Variants in NEB observed in about 807,000 individuals in gnomAD.
The protein encoded by NEB is nebulin.
A neutral mutation model predicts 952.2 loss-of-function variants in NEB; 512 were observed. That is an observed-to-expected ratio of 0.54 (90% confidence interval 0.50 to 0.58). The LOEUF (loss-of-function observed/expected upper bound fraction) is 0.58, where lower values mean the gene tolerates loss of function less well. Ranked by LOEUF, NEB falls within the 20% of genes least tolerant of loss-of-function variation. The pLI is 0.00. For synonymous variants in NEB, 2,900 were observed against 3,149.8 expected, an observed-to-expected ratio of 0.92 and a Z score of 2.66; for missense variants, 8,428 against 9,231.1, an observed-to-expected ratio of 0.91 and a Z score of 3.56.
chr2:151,693,310 G>T (rs756608986), intron 20 of NEB, among the ~76,000 whole-genome samples: 14 of 151,998 alleles, frequency 9.2e-5, no homozygotes, highest in Non-Finnish European at 1.5e-4. Context: ...AGGATTGTGG[G>T]TTTGTTACAT....
chr2:151,524,497 T>C lies in NEB; in HGVS notation c.22374+18A>G, dbSNP rs1373664678. On this transcript the variant is annotated intron_variant, in intron 152 of 181. Coordinates refer to ENST00000397345, the MANE Select transcript of NEB (RefSeq NM_001164508.2). ...CAATGGCTGTTGGGGACTGGGGACA[T>C]TTTCATGACACCCTTACCTCACTGG... is the stretch of plus-strand genomic sequence containing the variant. 1.1e-5 allele frequency: 17 copies of C among 1,613,670 alleles called. No individual in the cohort carries two copies. Among genetic ancestry groups the C allele is most frequent in the Non-Finnish European group, 1.4e-5 (16 of 1,179,626 alleles).
At chr2:151,690,897 G>A (rs1576474821) in intron 23 of NEB, 72 bp from the exon 24 acceptor site, 4 of 1,133,108 alleles carry the variant, frequency 3.5e-6, no homozygotes, top group East Asian at 2.6e-5. Flanking sequence ...ATAAAAAATG[G>A]TTCCAGGTCA....
intron 130 of NEB, among the ~76,000 whole-genome samples, chr2:151,548,849 G>A (rs1468139869): frequency 6.6e-6 from 1 of 152,108 alleles, no homozygotes; most frequent in African/African-American, 2.4e-5. Flanking sequence ...GTCTACTTTG[G>A]AAGTACATTA....
rs2099542943 is a variant in NEB at position 151,690,831 on chromosome 2, AAAG to A, written c.2212-9_2212-7del. ...GGATGAACTTTGTAGGTATGCTAGA[AAAG>A]AAGATGTTCTTTAATGAAATATCAG... On this transcript the variant is annotated splice_polypyrimidine_tract_variant and splice_region_variant and intron_variant, in intron 23 of 181. Coordinates refer to ENST00000397345, the MANE Select transcript of NEB (RefSeq NM_001164508.2). The A allele has an allele frequency of 3.2e-6, 5 of 1,548,486 alleles. No individual in the cohort carries two copies. The highest frequency in any genetic ancestry group is 1.4e-5 in the African/African-American group (1 of 73,514).
At position 151,492,368 on chromosome 2, in the gene NEB, T is replaced by C. The variant is rs777353367; in HGVS notation, c.24873+19A>G. ...ATTCTGACAGGCAGCCAGCCAATCC[T>C]AAAGAATTCCTGACTCACCGTTGAG... On this transcript the variant is annotated intron_variant, in intron 177 of 181. Coordinates refer to ENST00000397345, the MANE Select transcript of NEB (RefSeq NM_001164508.2). The C allele has an allele frequency of 6.3e-7, 1 of 1,593,680 alleles. No homozygotes were observed. The highest frequency in any genetic ancestry group is 1.7e-5 in the Admixed American group (1 of 58,290).
chr2:151,670,986 A>G lies in NEB; in HGVS notation c.4506+37T>C, dbSNP rs751984756. The G allele has an allele frequency of 2.6e-5, 41 of 1,581,040 alleles. No homozygotes were observed. The South Asian group carries it at 4.5e-4, about 17-fold the overall frequency. Reference sequence around the variant, plus strand: ...AGGAGCGGCTCAGACACGTGTGGTTATTTACGGGCAAATCATTTTGAAAGG... The same window carrying G: ...AGGAGCGGCTCAGACACGTGTGGTTGTTTACGGGCAAATCATTTTGAAAGG... On this transcript the variant is annotated intron_variant, in intron 38 of 181. Transcript: ENST00000397345.
At position 151,697,427 on chromosome 2, in the gene NEB, T is replaced by C. The variant is rs917997588; in HGVS notation, c.1288A>G (p.Ile430Val). 4.3e-6 allele frequency: 7 copies of C among 1,613,722 alleles called. No individual in the cohort carries two copies. Among genetic ancestry groups the C allele is most frequent in the Non-Finnish European group, 5.9e-6 (7 of 1,179,794 alleles). ...AAGCTGCCTACATAATGTCCCAAAATATCTTTTAAGTAGGAATCTTTATAT... is the reference window on the plus strand; with the variant it reads ...AAGCTGCCTACATAATGTCCCAAAACATCTTTTAAGTAGGAATCTTTATAT... Reference protein sequence around the residue: ...KKYKDSYLKDILGHYVGSFED... With the variant: ...KKYKDSYLKDVLGHYVGSFED... Residue 430 changes from isoleucine to valine, a missense_variant, in exon 15 of 182, where the codon ATT becomes GTT. Physicochemically the swap from Ile to Val is conservative, Grantham distance 29 (BLOSUM62 3). Around this residue, in one of 11 missense-constraint regions of NEB, gnomAD observed 2,851 missense variants for 2,791.5 expected, o/e 1.02. Transcript: ENST00000397345.
intron 64 of NEB, 58 bp downstream of exon 64, chr2:151,636,169 T>C: frequency 2.2e-6 from 3 of 1,391,902 alleles, no homozygotes; most frequent in South Asian, 2.5e-5. Flanking sequence ...TAAGATTTAG[T>C]TCAGTGAAAA....
At position 151,706,723 on chromosome 2, in the gene NEB, G is replaced by T. The variant is rs143695780; in HGVS notation, c.1152+158C>A. 2.7e-3 allele frequency among the ~76,000 whole-genome samples: 414 copies of T among 152,252 alleles called. 2 individuals carry two copies. The highest frequency in any genetic ancestry group is 9.6e-3 in the African/African-American group (400 of 41,522). ...CAGTAAGGCACATTGTACTCAGAGGGACTCATGCCTTTCTGTGGTTACATA... is the reference window on the plus strand; with the variant it reads ...CAGTAAGGCACATTGTACTCAGAGGTACTCATGCCTTTCTGTGGTTACATA... On this transcript the variant is annotated intron_variant, in intron 13 of 181. Coordinates refer to ENST00000397345, the MANE Select transcript of NEB (RefSeq NM_001164508.2).
At chr2:151,698,166 A>T (rs946740403) in intron 13 of NEB, among the ~76,000 whole-genome samples, 68 of 152,382 alleles carry the variant, frequency 4.5e-4, no homozygotes, top group African/African-American at 1.6e-3. Flanking sequence ...AGCAATTATT[A>T]TAAGGCCTAA....
At chr2:151,532,263 A>G (rs1391653919) in intron 143 of NEB, 1 of 173,552 alleles carries the variant, frequency 5.8e-6, no homozygotes, top group African/African-American at 2.4e-5. Flanking sequence ...GGAGGCCCCC[A>G]GAGGTTACGA....
rs957260028 is a variant in NEB, at chr2:151,671,174, A to G, written c.4355T>C (p.Ile1452Thr). The G allele has an allele frequency of 1.2e-5, 19 of 1,613,858 alleles. No individual in the cohort carries two copies. The South Asian group carries it at 1.2e-4, about 10-fold the overall frequency. The change falls in exon 38 of 182, where the codon ATT (isoleucine) becomes ACT (threonine). Residue 1452 changes from isoleucine to threonine, a missense_variant. Coordinates refer to ENST00000397345, the MANE Select transcript of NEB (RefSeq NM_001164508.2). ...GACCTTCTCCACCTCCAGGGAACCA[A>G]TAGGGATCCATCCGATGCCCTTCAA... Reference protein sequence around the residue: ...SFLKGIGWIPIGSLEVEKVKK... With the variant: ...SFLKGIGWIPTGSLEVEKVKK...
At chr2:151,621,062 T>G in intron 71 of NEB, 36 bp from the exon 72 acceptor site, 4 of 1,493,378 alleles carry the variant, frequency 2.7e-6, no homozygotes, top group Non-Finnish European at 3.7e-6. Flanking sequence ...AATATAGAAT[T>G]CACATTCACT....
At position 151,640,525 on chromosome 2, in the gene NEB, A is replaced by T. The variant is rs1466648554; in HGVS notation, c.8515T>A (p.Trp2839Arg). 1.2e-6 allele frequency: 2 copies of T among 1,613,854 alleles called. No individual in the cohort carries two copies. The highest frequency in any genetic ancestry group is 2.2e-5 in the East Asian group (1 of 44,858). Reference sequence around the variant, plus strand: ...ACTGGGCTGCTGAACTTGGTCTTCCACTTCTCAAAGTCCTTCTTGTACTCC... The same window carrying T: ...ACTGGGCTGCTGAACTTGGTCTTCCTCTTCTCAAAGTCCTTCTTGTACTCC... ...DREYKKDFEK[W>R]KTKFSSPVDM... Residue 2839 changes from tryptophan (W) to arginine (R), a missense_variant, in exon 61 of 182, where the codon TGG becomes AGG. Trp to Arg is a moderately radical substitution (Grantham distance 101, BLOSUM62 -3). Around this residue, in one of 11 missense-constraint regions of NEB, gnomAD observed 1,772 missense variants for 1,960.3 expected, o/e 0.90. Transcript: ENST00000397345.
Position 151,658,021 on chromosome 2 carries a change from T to C in NEB, c.6145A>G (p.Ile2049Val), listed in dbSNP as rs755853362. ...TCTCTGGAAGCCTTGGCAGCTTTGA[T>C]AGGAATTGCATCAGGTCTGAGATCA... ...GYDLRPDAIP[I>V]KAAKASRDIA... The change falls in exon 48 of 182, where the codon ATC (isoleucine) becomes GTC (valine). Residue 2049 changes from isoleucine (I) to valine (V), a missense_variant. Ile to Val is a conservative substitution (Grantham distance 29, BLOSUM62 3). This residue lies in a region of NEB where 2,851 missense variants were observed against 2,791.5 expected (regional missense o/e 1.02). Coordinates refer to ENST00000397345, the MANE Select transcript of NEB (RefSeq NM_001164508.2). The C allele has an allele frequency of 1.7e-5, 28 of 1,611,070 alleles. No individual in the cohort carries two copies. The highest frequency in any genetic ancestry group is 2.7e-5 in the African/African-American group (2 of 74,856).
intron 71 of NEB, among the ~76,000 whole-genome samples, chr2:151,624,912 T>C (rs1192570679): frequency 6.6e-6 from 1 of 152,208 alleles, no homozygotes; most frequent in Non-Finnish European, 1.5e-5. Flanking sequence ...TAAAAGAATG[T>C]ATTTTATTGT....
chr2:151,505,469 G>A lies in NEB; in HGVS notation c.23742+9C>T, dbSNP rs762973833. ...TCACACAAATGGAAGCTGAGAGTAT[G>A]GCCACTACCGAGCTAATGTGCTTCT... On this transcript the variant is annotated intron_variant, in intron 165 of 181. Coordinates refer to ENST00000397345, the MANE Select transcript of NEB (RefSeq NM_001164508.2). 7.4e-6 allele frequency: 12 copies of A among 1,610,954 alleles called. No homozygotes were observed. In the Admixed American group the frequency reaches 2.0e-4, roughly 27 times the overall value.
intron 64 of NEB, among the ~76,000 whole-genome samples, chr2:151,635,519 CA>C (rs763495510): frequency 1.4e-4 from 22 of 151,962 alleles, no homozygotes; most frequent in Non-Finnish European, 2.8e-4. Context: ...CCAGCCTGGC[CA>C]ACATGGTGAA....
intron 161 of NEB, 58 bp from the exon 162 acceptor site, chr2:151,508,167 G>A: frequency 1.3e-5 from 16 of 1,220,108 alleles, no homozygotes; most frequent in Non-Finnish European, 1.6e-5. Context: ...TAGGCCAATG[G>A]GACCTAAAAT....
Sources: allele counts gnomAD v4.1 joint callset (sites outside exome capture counted in the v4.1 genomes callset), GRCh38; gene constraint gnomAD v4.1.1; regional missense constraint gnomAD v4.1.1; transcripts MANE v1.5; gene names NCBI Gene and HGNC (gene_info 2026-07-23, HGNC 2026-07-21).